Variants in SPRY3 observed in about 807,000 individuals in gnomAD.
The protein encoded by SPRY3 is protein sprouty homolog 3.
A neutral mutation model predicts 20.2 loss-of-function variants in SPRY3; 15 were observed. The ratio of observed to expected loss-of-function variants is 0.74; its 90% confidence interval spans 0.50 to 1.14. The LOEUF (loss-of-function observed/expected upper bound fraction) is 1.14, where lower values mean the gene tolerates loss of function less well. SPRY3 is among the 50% of genes most tolerant of loss of function. The pLI is 0.00. For synonymous variants in SPRY3, 143 were observed against 136.5 expected (o/e 1.05, Z -0.33); for missense variants, 364 against 363.9 (o/e 1.00, Z 0.00).
chrX:155,740,118 A>C (rs1350020392), intron 2 of SPRY3, among the ~76,000 whole-genome samples: 11 of 152,188 alleles, frequency 7.2e-5, no homozygotes, highest in Admixed American at 4.6e-4. Context: ...ATCAGTTCCC[A>C]AAATTAATAC....
intron 2 of SPRY3, among the ~76,000 whole-genome samples, chrX:155,703,976 C>T (rs140018959): frequency 0.016 from 2,467 of 151,978 alleles, 27 homozygotes; most frequent in Non-Finnish European, 0.025. Flanking sequence ...TTGAGCCTAA[C>T]TACTAACTGT....
intron 3 of SPRY3, among the ~76,000 whole-genome samples, 186 bp downstream of exon 2, chrX:155,768,322 G>T (rs1396347915): frequency 6.6e-6 from 1 of 152,070 alleles, no homozygotes; most frequent in Non-Finnish European, 1.5e-5. Context: ...AAATAAATCG[G>T]CTCTCGCAGA....
intron 2 of SPRY3, among the ~76,000 whole-genome samples, chrX:155,689,097 A>C (rs1328264234): frequency 1.1e-5 from 1 of 87,557 alleles, no homozygotes; most frequent in Non-Finnish European, 2.1e-5. Flanking sequence ...GCTGTGCAGA[A>C]GCTCTTTAGA....
chrX:155,767,700 GA>G (rs1569399858), intron 2 of SPRY3: 1 of 126,638 alleles, frequency 7.9e-6, no homozygotes, highest in African/African-American at 3.1e-5. Context: ...AGGAGGAGGA[GA>G]AAGAAGAGGA....
At chrX:155,769,016 T>C (rs1256290079) in intron 3 of SPRY3, among the ~76,000 whole-genome samples, 1 of 152,224 alleles carries the variant, frequency 6.6e-6, no homozygotes, top group Non-Finnish European at 1.5e-5. Context: ...TGAATTTGGA[T>C]ATACCAGGTG....
chrX:155,762,176 G>A (rs912184038), intron 2 of SPRY3, among the ~76,000 whole-genome samples: 21 of 152,154 alleles, frequency 1.4e-4, no homozygotes, highest in Non-Finnish European at 3.1e-4. Flanking sequence ...CAGGAGACTT[G>A]GATTCTACTC....
chrX:155,765,654 G>T (rs1332682735), intron 2 of SPRY3, among the ~76,000 whole-genome samples: 9 of 152,162 alleles, frequency 5.9e-5, no homozygotes, highest in Non-Finnish European at 1.2e-4. Flanking sequence ...TAAGAGGTAA[G>T]AAGGCTGAAT....
At chrX:155,741,251 C>G (rs1210975915) in intron 2 of SPRY3, among the ~76,000 whole-genome samples, 2 of 152,006 alleles carry the variant, frequency 1.3e-5, no homozygotes, top group African/African-American at 4.8e-5. Context: ...GAAAGACTCT[C>G]AGAGCTTGAA....
At chrX:155,755,512 C>G (rs1251321158) in intron 2 of SPRY3, among the ~76,000 whole-genome samples, 1 of 152,014 alleles carries the variant, frequency 6.6e-6, no homozygotes, top group Admixed American at 6.6e-5. Context: ...ATACCTTTAC[C>G]TCTCTTGGCC....
chrX:155,696,677 C>T (rs746147561), intron 2 of SPRY3, among the ~76,000 whole-genome samples: 2 of 111,144 alleles, frequency 1.8e-5, no homozygotes, highest in African/African-American at 3.3e-5. Context: ...CAAATAAACA[C>T]AGCCACCACT....
downstream of SPRY3, chrX:155,779,682 G>A (rs1569404893): frequency 1.2e-5 from 2 of 166,952 alleles, no homozygotes; most frequent in African/African-American, 4.8e-5. Flanking sequence ...AAATGCTGGG[G>A]AAAAAATGGC....
intron 2 of SPRY3, among the ~76,000 whole-genome samples, chrX:155,675,685 A>T (rs1252581653): frequency 9.0e-6 from 1 of 111,563 alleles, no homozygotes; most frequent in Non-Finnish European, 1.9e-5. Context: ...GCTATTGACA[A>T]TGTTGTTATA....
intron 1 of SPRY3, among the ~76,000 whole-genome samples, chrX:155,621,079 C>G (rs1449821116): frequency 1.8e-5 from 2 of 111,734 alleles, no homozygotes; most frequent in Admixed American, 1.9e-4. Context: ...GCTGCCGCTT[C>G]TATGCTGGAA....
chrX:155,767,889 G>GC (rs1404936011), intron 2 of SPRY3, 73 bp from the exon 2 acceptor site: 1 of 153,598 alleles, frequency 6.5e-6, no homozygotes, highest in East Asian at 1.9e-4. Context: ...GGTTTGACTC[G>GC]CCCCCTCCCC....
At chrX:155,744,936 T>A (rs986226795) in intron 2 of SPRY3, among the ~76,000 whole-genome samples, 1 of 152,030 alleles carries the variant, frequency 6.6e-6, no homozygotes, top group Non-Finnish European at 1.5e-5. Context: ...TTAGGAATAC[T>A]TAGAATTGAG....
chrX:155,767,663 AGGAGAAGGG>A (rs2091342662), intron 2 of SPRY3: 1 of 140,626 alleles, frequency 7.1e-6, no homozygotes, highest in Non-Finnish European at 1.5e-5. Context: ...CAGGAGGAGG[AGGAGAAGGG>A]GGAGGAGAAA....
At chrX:155,732,353 G>A (rs1441830234) in intron 2 of SPRY3, among the ~76,000 whole-genome samples, 4 of 151,956 alleles carry the variant, frequency 2.6e-5, no homozygotes, top group African/African-American at 4.8e-5. Flanking sequence ...CAAAAGACCT[G>A]AACAGATGTT....
intron 2 of SPRY3, among the ~76,000 whole-genome samples, chrX:155,695,569 CCTCT>C (rs1408418021): frequency 2.7e-5 from 3 of 110,171 alleles, no homozygotes; most frequent in Admixed American, 1.9e-4. Flanking sequence ...CCATTTTCTC[CCTCT>C]GTTTCTTGAC....
At chrX:155,655,216 T>A (rs782142976) in intron 1 of SPRY3, among the ~76,000 whole-genome samples, 20 of 111,571 alleles carry the variant, frequency 1.8e-4, no homozygotes, top group Non-Finnish European at 3.4e-4. Context: ...TTATTTGGGA[T>A]TTTTTTCTTG....
Sources: gnomAD v4.1 joint callset for allele counts (sites outside exome capture counted in the v4.1 genomes callset) on GRCh38, gnomAD v4.1.1 for gene constraint, MANE v1.5 for transcripts, NCBI Gene and HGNC (gene_info 2026-07-23, HGNC 2026-07-21) for gene names.